Variants in ATAD2B observed in about 807,000 individuals in gnomAD.
ATAD2B encodes the protein ATPase family AAA domain-containing protein 2B.
Under a neutral mutation model 167.6 loss-of-function variants are expected in ATAD2B, and 40 were observed. That is an observed-to-expected ratio of 0.24 (90% CI 0.19 to 0.31). The LOEUF is 0.31. Ranked by LOEUF, ATAD2B falls within the 10% of genes least tolerant of loss-of-function variation. The pLI is 1.00. For missense variants in ATAD2B, 1,242 were observed against 1,757.2 expected (o/e 0.71, Z 5.24); for synonymous variants, 579 against 596.5 (o/e 0.97, Z 0.43).
intron 22 of ATAD2B, among the ~76,000 whole-genome samples, chr2:23,778,576 A>G (rs534629046): frequency 6.6e-6 from 1 of 152,360 alleles, no homozygotes; most frequent in Admixed American, 6.5e-5. Flanking sequence ...AATAATGATC[A>G]TAAGAATACA....
chr2:23,788,597 C>T lies in ATAD2B; in HGVS notation c.2691G>A (p.Arg897=), dbSNP rs981852002. 3 of 1,606,300 alleles carry T rather than the reference C, an allele frequency of 1.9e-6. No homozygotes were observed. In the African/African-American group the frequency reaches 4.0e-5, roughly 21 times the overall value. The change falls in exon 20 of 28, where the codon AGG becomes AGA. Residue 897 remains arginine, a synonymous_variant. Coordinates refer to ENST00000238789, the MANE Select transcript of ATAD2B (RefSeq NM_017552.4). ...IQYEEVLYIQ[R]PIEEDRRKFF... Reference sequence around the variant, plus strand: ...ATTTTCTTCTGTCTTCTTCAATAGGCCTTTGAATATACAAGACCTCTTCAT... The same window carrying T: ...ATTTTCTTCTGTCTTCTTCAATAGGTCTTTGAATATACAAGACCTCTTCAT...
rs551950369 is a variant in ATAD2B at position 23,819,880 on chromosome 2, T to C, written c.2134A>G (p.Ile712Val). 4 of 1,573,746 alleles carry C rather than the reference T, an allele frequency of 2.5e-6. No individual in the cohort carries two copies. Among genetic ancestry groups the C allele is most frequent in the East Asian group, 4.5e-5 (2 of 44,438 alleles). Residue 712 changes from isoleucine to valine, a missense_variant and splice_region_variant, in exon 17 of 28, where the codon ATA becomes GTA. By Grantham distance (29) the Ile-to-Val change is conservative. Around this residue, in one of 9 missense-constraint regions of ATAD2B, gnomAD observed 145 missense variants for 181.9 expected, o/e 0.80. Coordinates refer to ENST00000238789, the MANE Select transcript of ATAD2B (RefSeq NM_017552.4). Reference sequence around the variant, plus strand: ...CTATCCTCTAAAATTAAAGTTTCTATATCTGTTTAAAAAAATCACAATGGT... The same window carrying C: ...CTATCCTCTAAAATTAAAGTTTCTACATCTGTTTAAAAAAATCACAATGGT... ...EISQSDKKED[I>V]ETLILEDSED...
chr2:23,873,119 T>A (rs1696261176), intron 8 of ATAD2B: 1 of 399,202 alleles, frequency 2.5e-6, no homozygotes, highest in Non-Finnish European at 4.7e-6. Flanking sequence ...TTGATATTTA[T>A]CCTCTCCTCT....
chr2:23,833,138 GC>G (rs1208515398), intron 14 of ATAD2B, among the ~76,000 whole-genome samples: 1 of 152,170 alleles, frequency 6.6e-6, no homozygotes, highest in African/African-American at 2.4e-5. Context: ...GGTATGAACT[GC>G]TCTACACAGG....
At chr2:23,887,722 T>G in intron 4 of ATAD2B, 110 bp downstream of exon 4, 1 of 1,003,032 alleles carries the variant, frequency 1.0e-6, no homozygotes, top group East Asian at 2.8e-5. Flanking sequence ...AGTTAAGTTT[T>G]TAAAGAACTG....
the ATAD2B span, chr2:23,697,216 G>A: frequency 6.6e-6 from 1 of 152,416 alleles, no homozygotes; most frequent in Non-Finnish European, 1.5e-5. Context: ...CAGGCATGAG[G>A]GGCGTGGGCT....
chr2:23,711,591 G>A, the ATAD2B span, among the ~76,000 whole-genome samples: 3 of 151,880 alleles, frequency 2.0e-5, no homozygotes, highest in East Asian at 5.8e-4. Context: ...GGCTGGTCTC[G>A]AATTCCTGAC....
chr2:23,874,368 A>G (rs1201654466), intron 8 of ATAD2B, among the ~76,000 whole-genome samples: 1 of 152,118 alleles, frequency 6.6e-6, no homozygotes, highest in African/African-American at 2.4e-5. Flanking sequence ...GGATTCTAAG[A>G]TATAACAGTA....
chr2:23,872,573 G>A (rs965894386), intron 8 of ATAD2B: 32 of 1,183,402 alleles, frequency 2.7e-5, no homozygotes, highest in South Asian at 1.2e-4. Context: ...CTGATCCTCC[G>A]TGAGGTCTGC....
intron 18 of ATAD2B, among the ~76,000 whole-genome samples, chr2:23,801,447 T>C (rs188424000): frequency 6.6e-6 from 1 of 151,774 alleles, no homozygotes; most frequent in East Asian, 1.9e-4. Flanking sequence ...TACTCACCTA[T>C]AGGGTGTCTT....
At chr2:23,809,758 T>C (rs1685262426) in intron 18 of ATAD2B, among the ~76,000 whole-genome samples, 1 of 152,124 alleles carries the variant, frequency 6.6e-6, no homozygotes. Context: ...TGACATAATA[T>C]ATCCATGGTT....
At chr2:23,707,277 G>C in the ATAD2B span, 2 of 152,228 alleles carry the variant, frequency 1.3e-5, no homozygotes, top group African/African-American at 4.8e-5. Flanking sequence ...ACAGCGGTCT[G>C]TCCTTCACAG....
At chr2:23,914,835 C>T (rs556613621) in intron 1 of ATAD2B, among the ~76,000 whole-genome samples, 2 of 147,030 alleles carry the variant, frequency 1.4e-5, no homozygotes, top group African/African-American at 5.0e-5. Flanking sequence ...AGCGAGACTC[C>T]GTCTCAAAAA....
At chr2:23,852,931 A>C (rs1419404444) in intron 13 of ATAD2B, among the ~76,000 whole-genome samples, 1 of 152,122 alleles carries the variant, frequency 6.6e-6, no homozygotes, top group East Asian at 1.9e-4. Flanking sequence ...AAAAAAAAAA[A>C]AAATCTAAAA....
intron 22 of ATAD2B, among the ~76,000 whole-genome samples, chr2:23,768,173 A>C (rs1677733502): frequency 6.6e-6 from 1 of 152,136 alleles, no homozygotes. Flanking sequence ...TAAGTTGCTC[A>C]TACTTAAAGT....
At chr2:23,888,041 G>A (rs78513031) in intron 3 of ATAD2B, 56 bp from the exon 4 acceptor site, 38 of 1,193,748 alleles carry the variant, frequency 3.2e-5, no homozygotes, top group South Asian at 1.0e-4. Context: ...AGACAGAAAA[G>A]AAAAAAAAAA....
chr2:23,700,918 C>T, the ATAD2B span, among the ~76,000 whole-genome samples: 2 of 152,122 alleles, frequency 1.3e-5, no homozygotes, highest in Non-Finnish European at 2.9e-5. The surrounding 1 kb of genome is among the most constrained non-coding windows in gnomAD (Gnocchi z 4.6). Context: ...ACTACATTTC[C>T]CCAGTTTGTC....
At chr2:23,685,029 T>C in the ATAD2B span, among the ~76,000 whole-genome samples, 1,723 of 152,340 alleles carry the variant, frequency 0.011, 19 homozygotes, top group Middle Eastern at 0.031. Flanking sequence ...CCCCCGGGGC[T>C]GCTTTTCCCC....
chr2:23,702,549 C>G, the ATAD2B span, among the ~76,000 whole-genome samples: 1 of 152,186 alleles, frequency 6.6e-6, no homozygotes, highest in African/African-American at 2.4e-5. Flanking sequence ...CCTGTGCCCA[C>G]TCAGTCCTGC....
Sources: allele counts gnomAD v4.1 joint callset (sites outside exome capture counted in the v4.1 genomes callset), GRCh38; gene constraint gnomAD v4.1.1; regional missense constraint gnomAD v4.1.1; non-coding constraint Gnocchi (gnomAD v3.1); transcripts MANE v1.5; gene names NCBI Gene and HGNC (gene_info 2026-07-23, HGNC 2026-07-21).